The following RAD17 variants were observed in gnomAD, a reference collection of about 807,000 sequenced individuals.
The protein encoded by RAD17 is cell cycle checkpoint protein RAD17.
In RAD17, 31 loss-of-function variants were observed where a neutral mutation model predicts 81.5. That is an observed-to-expected ratio of 0.38 (90% CI 0.29 to 0.51). The LOEUF (loss-of-function observed/expected upper bound fraction) is 0.51, where lower values mean the gene tolerates loss of function less well. Among genes scored for constraint, RAD17 ranks in the 20% least tolerant of loss-of-function variants. RAD17 has a pLI of 0.88. For missense variants in RAD17, 681 were observed against 781.2 expected (o/e 0.87, Z 1.53); for synonymous variants, 261 against 266.2 (o/e 0.98, Z 0.19).
At chr5:69,371,991 G>A (rs1334794969) in intron 3 of RAD17, 43 bp from the exon 4 acceptor site, 1 of 1,093,232 alleles carries the variant, frequency 9.1e-7, no homozygotes, top group Non-Finnish European at 1.2e-6. Flanking sequence ...TTGATGTTAA[G>A]TAAGTTACTT....
intron 18 of RAD17, 44 bp from the exon 19 acceptor site, chr5:69,413,984 ATCT>A (rs1766207424): frequency 7.6e-6 from 12 of 1,587,548 alleles, no homozygotes; most frequent in Non-Finnish European, 9.4e-6. Flanking sequence ...TAATTTAAAA[ATCT>A]TCTCCTTTGG....
At chr5:69,404,547 C>T (rs369281167) in intron 17 of RAD17, among the ~76,000 whole-genome samples, 5 of 151,928 alleles carry the variant, frequency 3.3e-5, no homozygotes, top group South Asian at 2.1e-4. Context: ...GTGGGTGGAT[C>T]GCCTGAGGTC....
At chr5:69,382,735 A>T (rs1334422353) in intron 7 of RAD17, among the ~76,000 whole-genome samples, 1 of 152,206 alleles carries the variant, frequency 6.6e-6, no homozygotes, top group Non-Finnish European at 1.5e-5. Context: ...AAAGCAAAAG[A>T]CAAAGATGTC....
At chr5:69,381,751 C>A in intron 6 of RAD17, 150 bp from the exon 7 acceptor site, 1 of 552,802 alleles carries the variant, frequency 1.8e-6, no homozygotes, top group African/African-American at 2.0e-5. Flanking sequence ...TGGTTTATTC[C>A]AGCAAGCATT....
At chr5:69,371,675 TTAATGATTTA>T in intron 3 of RAD17, 118 bp downstream of exon 3, 4 of 503,228 alleles carry the variant, frequency 7.9e-6, no homozygotes, top group Non-Finnish European at 9.4e-6. Flanking sequence ...TCTATTGTAA[TTAATGATTTA>T]AGCAAGTCTG....
chr5:69,381,645 T>C (rs1232703686), intron 6 of RAD17, among the ~76,000 whole-genome samples: 1 of 152,034 alleles, frequency 6.6e-6, no homozygotes, highest in African/African-American at 2.4e-5. Flanking sequence ...GAATTGAGAG[T>C]TGAAGAATTA....
intron 17 of RAD17, among the ~76,000 whole-genome samples, chr5:69,405,909 G>T (rs1342121453): frequency 6.6e-6 from 1 of 152,038 alleles, no homozygotes; most frequent in Non-Finnish European, 1.5e-5. Flanking sequence ...AGATGTGGTG[G>T]TGTACTCCTG....
chr5:69,383,501 C>T (rs1266397511), intron 7 of RAD17, among the ~76,000 whole-genome samples: 1 of 152,034 alleles, frequency 6.6e-6, no homozygotes, highest in Admixed American at 6.6e-5. Context: ...GACTCAGCCT[C>T]CCAAGTAGCT....
chr5:69,384,666 G>A (rs1396843262), intron 7 of RAD17, 131 bp from the exon 8 acceptor site: 6 of 853,082 alleles, frequency 7.0e-6, no homozygotes, highest in East Asian at 6.4e-5. Context: ...AAATTTAAAT[G>A]ATTTTTCCTA....
intron 13 of RAD17, chr5:69,392,689 C>A: frequency 5.7e-6 from 2 of 353,474 alleles, no homozygotes; most frequent in South Asian, 4.4e-5. Flanking sequence ...TACTTTGAAC[C>A]TGAGTGACTA....
At chr5:69,372,857 G>A (rs1243670606) in intron 4 of RAD17, among the ~76,000 whole-genome samples, 1 of 152,086 alleles carries the variant, frequency 6.6e-6, no homozygotes, top group Non-Finnish European at 1.5e-5. Context: ...CAATCCTACT[G>A]CCTCTGCCTC....
At chr5:69,409,289 G>A (rs1765822839) in intron 17 of RAD17, among the ~76,000 whole-genome samples, 2 of 152,118 alleles carry the variant, frequency 1.3e-5, no homozygotes, top group Admixed American at 1.3e-4. Context: ...CAGTGCCTTT[G>A]GGTTAGAACC....
intron 1 of RAD17, chr5:69,370,400 G>T: frequency 6.5e-6 from 1 of 152,674 alleles, no homozygotes; most frequent in Non-Finnish European, 1.5e-5. Context: ...TCTCACTCTT[G>T]TCGCCCAGGC....
At chr5:69,373,682 A>C in intron 4 of RAD17, 148 bp from the exon 5 acceptor site, 1 of 507,384 alleles carries the variant, frequency 2.0e-6, no homozygotes, top group Non-Finnish European at 2.9e-6. Context: ...CCGGTCTCAA[A>C]AAAATTTTTT....
chr5:69,379,629 A>G (rs1477187647), intron 6 of RAD17, among the ~76,000 whole-genome samples: 1 of 152,054 alleles, frequency 6.6e-6, no homozygotes, highest in Non-Finnish European at 1.5e-5. Context: ...TCTTTATTCT[A>G]TAAATTTTTT....
rs1763039386 is a variant in RAD17, at chr5:69,372,035, A to G, written c.-174A>G. The G allele has an allele frequency of 1.3e-5, 17 of 1,306,272 alleles. No homozygotes were observed. The highest frequency in any genetic ancestry group is 1.6e-5 in the Non-Finnish European group (16 of 993,292). 80.9% of individuals were successfully genotyped at this position (1,306,272 alleles called of 1,614,324 possible). A position where few individuals can be genotyped will look rare whatever the true frequency, so the allele number is the denominator to read the frequency against. ...TGTTTATCTTTCTCTTTTTTTCAGT[A>G]TATGGGAGTCCACATTTATGTAAGA... On this transcript the variant is annotated splice_region_variant and 5_prime_UTR_variant, in exon 4 of 19. Coordinates refer to ENST00000354868, the MANE Select transcript of RAD17 (RefSeq NM_133338.3).
At chr5:69,413,482 T>G (rs1766152835) in intron 18 of RAD17, among the ~76,000 whole-genome samples, 1 of 152,174 alleles carries the variant, frequency 6.6e-6, no homozygotes, top group African/African-American at 2.4e-5. Flanking sequence ...AAGACATTAT[T>G]TCTTTTTATT....
intron 18 of RAD17, 82 bp downstream of exon 18, chr5:69,410,632 C>A: frequency 2.4e-6 from 3 of 1,250,620 alleles, no homozygotes; most frequent in Non-Finnish European, 3.5e-6. Context: ...TAACTGTTAC[C>A]TGTAACATCC....
At chr5:69,369,623 T>C (rs1319323211), upstream of RAD17, 1 of 1,571,856 alleles carries the variant, frequency 6.4e-7, no homozygotes. Context: ...GCCCCTAGCC[T>C]GCCCCGGCGG....
Sources: gnomAD v4.1 joint callset for allele counts (sites outside exome capture counted in the v4.1 genomes callset) on GRCh38, gnomAD v4.1.1 for gene constraint, MANE v1.5 for transcripts, NCBI Gene and HGNC (gene_info 2026-07-23, HGNC 2026-07-21) for gene names.